The following MYL5 variants were observed in gnomAD, a reference collection of about 807,000 sequenced individuals.
MYL5 encodes the protein myosin light chain 5.
A neutral mutation model predicts 20.8 loss-of-function variants in MYL5; 28 were observed. The observed-to-expected ratio is 1.35, with a 90% CI of 1.00 to 1.84. The LOEUF (loss-of-function observed/expected upper bound fraction) is 1.84, where lower values mean the gene tolerates loss of function less well. Among genes scored for constraint, MYL5 ranks in the 40% most tolerant of loss-of-function variants. The probability of loss-of-function intolerance (pLI) is 0.00; values close to 1 mark genes in which losing one functional copy is unlikely to be tolerated. For synonymous variants in MYL5, 118 were observed against 87.4 expected, an observed-to-expected ratio of 1.35 and a Z score of -1.95; for missense variants, 274 against 227.3, an observed-to-expected ratio of 1.21 and a Z score of -1.32.
rs778679021 is a variant in MYL5, at chr4:680,530, T to C, written c.314T>C (p.Ile105Thr). ...GCAGGTACCGACGCCGAGGAGACCATTCTTAACGCCTTCAAGATGCTGGAC... is the reference window on the plus strand; with the variant it reads ...GCAGGTACCGACGCCGAGGAGACCACTCTTAACGCCTTCAAGATGCTGGAC... The change falls in exon 5 of 7, where the codon ATT becomes ACT. Residue 105 changes from isoleucine to threonine, a missense_variant. Coordinates refer to ENST00000400159, the Ensembl canonical transcript of MYL5. 52 of 1,613,452 alleles carry C rather than the reference T, an allele frequency of 3.2e-5. No individual in the cohort carries two copies. The highest frequency in any genetic ancestry group is 4.3e-5 in the Non-Finnish European group (51 of 1,179,922).
At chr4:681,219 G>C in intron 6 of MYL5, 79 bp downstream of exon 8, 1 of 1,512,160 alleles carries the variant, frequency 6.6e-7, no homozygotes, top group Non-Finnish European at 9.0e-7. Flanking sequence ...GGGGGACGCG[G>C]AGCCCGAGGA....
intron 6 of MYL5, 28 bp from the exon 9 acceptor site, chr4:681,865 C>G: frequency 7.6e-7 from 1 of 1,309,238 alleles, no homozygotes; most frequent in Non-Finnish European, 9.8e-7. Flanking sequence ...CCGGAGCCCG[C>G]AAGGAGCCCT....
upstream of MYL5, chr4:676,159 C>T (rs1738817124): frequency 6.6e-6 from 1 of 152,278 alleles, no homozygotes. Flanking sequence ...AGGCACAGAA[C>T]CATCTTGGCC....
Position 680,557 on chromosome 4 carries a change from C to T in MYL5, c.341C>T (p.Pro114Leu), listed in dbSNP as rs1287158552. Residue 114 changes from proline (P) to leucine (L), a missense_variant, in exon 5 of 7, where the codon CCG becomes CTG. Transcript: ENST00000400159. Reference sequence around the variant, plus strand: ...CTTAACGCCTTCAAGATGCTGGACCCGGACGGGAAAGGGAAAATCAACAAG... The same window carrying T: ...CTTAACGCCTTCAAGATGCTGGACCTGGACGGGAAAGGGAAAATCAACAAG... The T allele has an allele frequency of 9.9e-6, 16 of 1,613,386 alleles. No homozygotes were observed. Among genetic ancestry groups the T allele is most frequent in the Non-Finnish European group, 1.4e-5 (16 of 1,179,944 alleles).
At chr4:674,677 G>T, upstream of MYL5, 1 of 243,682 alleles carries the variant, frequency 4.1e-6, no homozygotes, top group Non-Finnish European at 8.1e-6. Flanking sequence ...AGCGTCGGAG[G>T]CCTGAGGTCA....
chr4:680,494 G>A lies in MYL5; in HGVS notation c.293-15G>A. 1.2e-6 allele frequency: 2 copies of A among 1,613,490 alleles called. No homozygotes were observed. The highest frequency in any genetic ancestry group is 2.2e-5 in the East Asian group (1 of 44,862). ...CCACCCTGACGGCCCTGGGCTGAAG[G>A]TGCCTTTGTGGCAGGTACCGACGCC... On this transcript the variant is annotated splice_polypyrimidine_tract_variant and intron_variant, in intron 4 of 6. Coordinates refer to ENST00000400159, the Ensembl canonical transcript of MYL5.
chr4:674,560 G>A (rs990745152), upstream of MYL5: 3 of 461,160 alleles, frequency 6.5e-6, no homozygotes, highest in Admixed American at 4.1e-5. Flanking sequence ...GCAGGGCTGG[G>A]GGTCCGCTGT....
rs750336372 is a variant in MYL5, at chr4:679,933, C to T, written c.207C>T (p.Asp69=). 141 of 1,613,630 alleles carry T rather than the reference C, an allele frequency of 8.7e-5. No homozygotes were observed. The South Asian group carries it at 1.2e-3, about 14-fold the overall frequency. ...TAACAGGCAAGACCAACGTCAAGGACGACGAGCTGGACGCCATGCTCAAAG... is the reference window on the plus strand; with the variant it reads ...TAACAGGCAAGACCAACGTCAAGGATGACGAGCTGGACGCCATGCTCAAAG... Residue 69 remains aspartate (D), a synonymous_variant, in exon 4 of 7, where the codon GAC becomes GAT. Coordinates refer to ENST00000400159, the Ensembl canonical transcript of MYL5.
chr4:681,990 A>C (rs1042040611), exon 7 of MYL5: 1 of 1,412,498 alleles, frequency 7.1e-7, no homozygotes, highest in African/African-American at 1.5e-5. Flanking sequence ...GAGAAGGAGG[A>C]GTGAGACCCA....
exon 5 of MYL5, chr4:680,524 A>G (rs1577336495): frequency 6.2e-7 from 1 of 1,613,478 alleles, no homozygotes; most frequent in Non-Finnish European, 8.5e-7. Context: ...GACGCCGAGG[A>G]GACCATTCTT....
At chr4:681,897 A>T (rs1273176796) in exon 7 of MYL5, 1 of 1,315,654 alleles carries the variant, frequency 7.6e-7, no homozygotes, top group East Asian at 2.8e-5. Flanking sequence ...CCGCAGGTGG[A>T]CCAGATGTTC....
intron 3 of MYL5, among the ~76,000 whole-genome samples, chr4:679,507 T>A (rs1420570842): frequency 6.6e-6 from 1 of 152,128 alleles, no homozygotes; most frequent in Non-Finnish European, 1.5e-5. Flanking sequence ...TGCGGCACAT[T>A]CTGTTCCCAG....
rs982670105 is a variant in MYL5, at chr4:681,151, C to A, written c.420+11C>A. 6.2e-7 allele frequency: 1 copy of A among 1,601,708 alleles called. No individual in the cohort carries two copies. Among genetic ancestry groups the A allele is most frequent in the Non-Finnish European group, 8.5e-7 (1 of 1,175,208 alleles). On this transcript the variant is annotated intron_variant, in intron 6 of 6. Transcript: ENST00000400159. ...ATGACGGCGGAAGAGGTCTGGCCCGCGGCTTCCCTGCCAAGCCCACGAGGG... is the reference window on the plus strand; with the variant it reads ...ATGACGGCGGAAGAGGTCTGGCCCGAGGCTTCCCTGCCAAGCCCACGAGGG...
upstream of MYL5, chr4:676,740 C>T (rs986499083): frequency 3.8e-6 from 1 of 265,442 alleles, no homozygotes; most frequent in African/African-American, 2.3e-5. Flanking sequence ...TTCAGGATCA[C>T]ACCCAGACCC....
chr4:681,203 G>T, intron 6 of MYL5, 63 bp downstream of exon 8: 1 of 1,554,402 alleles, frequency 6.4e-7, no homozygotes, highest in South Asian at 1.2e-5. Flanking sequence ...GGGTCAGCTG[G>T]GTGGAGGGGG....
In MYL5 at chr4:681,818, C is replaced by T. The variant is rs1739701649; in HGVS notation, c.421-75C>T. 1.2e-5 allele frequency: 15 copies of T among 1,262,510 alleles called. No homozygotes were observed. In the East Asian group the frequency reaches 1.5e-4, roughly 13 times the overall value. 78.2% of individuals were successfully genotyped at this position (1,262,510 alleles called of 1,614,324 possible). Reference sequence around the variant, plus strand: ...CCCCTCCCGCGGCGCAGAAACCACACCCGGGGCCGCTGCAGGTGCGCGCTT... The same window carrying T: ...CCCCTCCCGCGGCGCAGAAACCACATCCGGGGCCGCTGCAGGTGCGCGCTT... On this transcript the variant is annotated intron_variant, in intron 6 of 6. Transcript: ENST00000400159.
chr4:679,133 C>T, intron 3 of MYL5, 100 bp downstream of exon 5: 1 of 935,470 alleles, frequency 1.1e-6, no homozygotes, highest in Non-Finnish European at 1.5e-6. Context: ...GGAGCCAGGG[C>T]CCGCGCCTCA....
rs1230524008 is a variant in MYL5, at chr4:680,393, C to G, written c.293-116C>G. 2.7e-5 allele frequency: 30 copies of G among 1,102,074 alleles called. 1 individual carries two copies. Among genetic ancestry groups the G allele is most frequent in the South Asian group, 9.2e-5 (7 of 76,274 alleles). 68.3% of individuals were successfully genotyped at this position (1,102,074 alleles called of 1,614,324 possible). A position where few individuals can be genotyped will look rare whatever the true frequency, so the allele number is the denominator to read the frequency against. ...CTTCAGGCAGAGGCCACCTTGTGGG[C>G]AGAGGCTTGGAGTCTCCCCCTGCTT... On this transcript the variant is annotated intron_variant, in intron 4 of 6. Transcript: ENST00000400159.
At chr4:681,217 C>T (rs1404041735) in intron 6 of MYL5, 77 bp downstream of exon 8, 4 of 1,528,004 alleles carry the variant, frequency 2.6e-6, no homozygotes, top group African/African-American at 2.7e-5. Flanking sequence ...GAGGGGGACG[C>T]GGAGCCCGAG....
Sources: allele counts gnomAD v4.1 joint callset (sites outside exome capture counted in the v4.1 genomes callset), GRCh38; gene constraint gnomAD v4.1.1; transcripts MANE v1.5; gene names NCBI Gene and HGNC (gene_info 2026-07-23, HGNC 2026-07-21).